AGBL1: variants seen among roughly 807,000 people sequenced by gnomAD.
The protein encoded by AGBL1 is AGBL carboxypeptidase 1.
A neutral mutation model predicts 118.9 loss-of-function variants in AGBL1; 130 were observed. The observed-to-expected ratio is 1.09, with a 90% CI of 0.95 to 1.26. AGBL1 has a LOEUF of 1.26. Ranked by LOEUF, AGBL1 falls within the 50% of genes most tolerant of loss-of-function variation. The probability of loss-of-function intolerance (pLI) is 0.00; values close to 1 mark genes in which losing one functional copy is unlikely to be tolerated. For missense variants in AGBL1, 1,584 were observed against 1,298.1 expected (o/e 1.22, Z -3.38); for synonymous variants, 555 against 478.9 (o/e 1.16, Z -2.08).
chr15:86,209,420 A>G (rs529361000), intron 5 of AGBL1, among the ~76,000 whole-genome samples: 87 of 152,260 alleles, frequency 5.7e-4, no homozygotes, highest in African/African-American at 2.0e-3. Flanking sequence ...GTGGAGTGTT[A>G]AAGTCTCCCA....
intron 21 of AGBL1, among the ~76,000 whole-genome samples, chr15:86,673,031 C>G (rs915828799): frequency 6.6e-6 from 1 of 152,122 alleles, no homozygotes; most frequent in African/African-American, 2.4e-5. Flanking sequence ...TGTCCCATTC[C>G]TGTCCTCCAT....
intron 7 of AGBL1, among the ~76,000 whole-genome samples, chr15:86,251,905 A>G (rs999290677): frequency 6.6e-6 from 1 of 152,214 alleles, no homozygotes; most frequent in African/African-American, 2.4e-5. Flanking sequence ...TGCAGAAGGA[A>G]CAAACCTATA....
At chr15:86,981,925 T>C (rs998859) in intron 23 of AGBL1, among the ~76,000 whole-genome samples, 26,056 of 152,164 alleles carry the variant, frequency 0.17, 2,266 homozygotes, top group Non-Finnish European at 0.18. Flanking sequence ...CAGAAAATTC[T>C]TCTCATTCTT....
chr15:86,919,385 T>C (rs1170093509), downstream of AGBL1, among the ~76,000 whole-genome samples: 1 of 151,538 alleles, frequency 6.6e-6, no homozygotes, highest in Non-Finnish European at 1.5e-5. Flanking sequence ...TTTTTCTGAA[T>C]AGTTTTTTTG....
chr15:86,685,052 G>A (rs1467479983), intron 22 of AGBL1, among the ~76,000 whole-genome samples: 3 of 152,156 alleles, frequency 2.0e-5, no homozygotes, highest in Non-Finnish European at 4.4e-5. Flanking sequence ...GAACAAAGAG[G>A]TATGTTTAGA....
intron 17 of AGBL1, among the ~76,000 whole-genome samples, chr15:86,394,101 A>G (rs534788414): frequency 4.0e-4 from 61 of 152,292 alleles, no homozygotes; most frequent in Middle Eastern, 3.4e-3. Context: ...GAAGCCCAGA[A>G]AAAGTAAGAC....
chr15:86,135,777 G>C (rs1424233694), intron 1 of AGBL1, among the ~76,000 whole-genome samples: 1 of 152,172 alleles, frequency 6.6e-6, no homozygotes, highest in African/African-American at 2.4e-5. Context: ...TTGAGGGGTA[G>C]AGTCTAACTC....
intron 18 of AGBL1, among the ~76,000 whole-genome samples, chr15:86,462,181 C>T (rs1400134825): frequency 1.3e-5 from 2 of 152,084 alleles, no homozygotes; most frequent in Non-Finnish European, 2.9e-5. Context: ...TTCCAGAAAG[C>T]GTATGACCTT....
At chr15:86,766,718 T>C (rs376787838) in intron 22 of AGBL1, among the ~76,000 whole-genome samples, 2 of 151,990 alleles carry the variant, frequency 1.3e-5, no homozygotes, top group African/African-American at 4.8e-5. Context: ...CTAGAGATAC[T>C]GTCAAAAAGA....
intron 23 of AGBL1, among the ~76,000 whole-genome samples, chr15:86,930,431 A>G (rs1360836633): frequency 6.6e-6 from 1 of 152,168 alleles, no homozygotes; most frequent in Non-Finnish European, 1.5e-5. Context: ...GAGGAGGTCC[A>G]TTCTGTTGGG....
At chr15:86,206,111 C>T (rs903129314) in intron 5 of AGBL1, among the ~76,000 whole-genome samples, 3 of 152,154 alleles carry the variant, frequency 2.0e-5, no homozygotes, top group Admixed American at 6.5e-5. Flanking sequence ...TGGTTTCCAG[C>T]TTCATCCATG....
At chr15:86,493,270 G>A (rs1203688098) in intron 18 of AGBL1, among the ~76,000 whole-genome samples, 6 of 152,020 alleles carry the variant, frequency 3.9e-5, no homozygotes, top group Non-Finnish European at 7.4e-5. Flanking sequence ...CGGTGATCAC[G>A]TGTTTTAGAA....
chr15:86,350,733 T>C (rs1002948547), intron 17 of AGBL1, among the ~76,000 whole-genome samples: 1 of 152,166 alleles, frequency 6.6e-6, no homozygotes. Flanking sequence ...AGAATGACAA[T>C]GCTAAAGGTC....
intron 22 of AGBL1, among the ~76,000 whole-genome samples, chr15:86,883,757 A>G (rs2079929621): frequency 6.6e-6 from 1 of 152,188 alleles, no homozygotes; most frequent in South Asian, 2.1e-4. Context: ...TAATGAATAG[A>G]TAAATAAAAT....
At chr15:86,590,057 G>A (rs565350618) in intron 21 of AGBL1, among the ~76,000 whole-genome samples, 1 of 152,198 alleles carries the variant, frequency 6.6e-6, no homozygotes. Context: ...GTTTATTACT[G>A]TGTGCACAGG....
In AGBL1 at chr15:86,809,602, G is replaced by A. The variant is rs146338051; in HGVS notation, c.3159-97485G>A. Reference sequence around the variant, plus strand: ...TTGGCTGGAACATTCTGGTGGCATTGCCTTAATTCAGGAAGGTAGTGGTTG... The same window carrying A: ...TTGGCTGGAACATTCTGGTGGCATTACCTTAATTCAGGAAGGTAGTGGTTG... On this transcript the variant is annotated intron_variant, in intron 22 of 22. Coordinates refer to ENST00000614907, the MANE Select transcript of AGBL1 (RefSeq NM_001386094.1). 1.3e-3 allele frequency among the ~76,000 whole-genome samples: 200 copies of A among 152,282 alleles called. 1 individual carries two copies. The highest frequency in any genetic ancestry group is 2.4e-3 in the Non-Finnish European group (162 of 68,024).
At chr15:86,930,540 A>G (rs2080592680) in intron 23 of AGBL1, among the ~76,000 whole-genome samples, 1 of 152,140 alleles carries the variant, frequency 6.6e-6, no homozygotes, top group Non-Finnish European at 1.5e-5. Context: ...TTTGACTGCT[A>G]TTTAATAAAT....
At chr15:86,979,196 CA>C (rs2081204078) in intron 23 of AGBL1, among the ~76,000 whole-genome samples, 1 of 152,094 alleles carries the variant, frequency 6.6e-6, no homozygotes, top group East Asian at 1.9e-4. Context: ...TCTATCTGAG[CA>C]ATTAAAATAT....
At chr15:86,527,485 T>A (rs926290535) in intron 19 of AGBL1, among the ~76,000 whole-genome samples, 15 of 152,328 alleles carry the variant, frequency 9.8e-5, no homozygotes, top group Middle Eastern at 3.4e-3. Context: ...TACAAAGCTC[T>A]CTAATGGGCT....
Sources: gnomAD v4.1 joint callset for allele counts (sites outside exome capture counted in the v4.1 genomes callset) on GRCh38, gnomAD v4.1.1 for gene constraint, MANE v1.5 for transcripts, NCBI Gene and HGNC (gene_info 2026-07-23, HGNC 2026-07-21) for gene names.